SIPA1L3: variants seen among roughly 807,000 people sequenced by gnomAD.
SIPA1L3 encodes the protein signal induced proliferation associated 1 like 3.
In SIPA1L3, 59 loss-of-function variants were observed where a neutral mutation model predicts 150.1. The ratio of observed to expected loss-of-function variants is 0.39; its 90% CI spans 0.32 to 0.49. The LOEUF is 0.49. SIPA1L3 is among the 20% of genes least tolerant of loss of function. The pLI is 0.86. For synonymous variants in SIPA1L3, 1,070 were observed against 1,077.6 expected, an observed-to-expected ratio of 0.99 and a Z score of 0.14; for missense variants, 2,211 against 2,489.5, an observed-to-expected ratio of 0.89 and a Z score of 2.38.
rs140083121 is a variant in SIPA1L3, at chr19:38,146,936, T to C, written c.3533+4226T>C. 5.3e-5 allele frequency among the ~76,000 whole-genome samples: 8 copies of C among 152,330 alleles called. No individual in the cohort carries two copies. In the East Asian group the frequency reaches 1.5e-3, roughly 29 times the overall value. ...ATGGTGTTCTGTGTCTAAGAGTTCT[T>C]TGGACATTCTAAATACAAGTCCTTT... On this transcript the variant is annotated intron_variant, in intron 12 of 21. Transcript: ENST00000222345.
chr19:38,182,785 A>G, intron 16 of SIPA1L3, 45 bp downstream of exon 16: 1 of 1,476,446 alleles, frequency 6.8e-7, no homozygotes, highest in Non-Finnish European at 9.3e-7. Flanking sequence ...GATCCACACC[A>G]GGGCGTCTCC....
At chr19:38,041,187 A>T (rs1599943345) in intron 2 of SIPA1L3, among the ~76,000 whole-genome samples, 1 of 145,674 alleles carries the variant, frequency 6.9e-6, no homozygotes, top group African/African-American at 2.6e-5. Flanking sequence ...TCTCATTGCA[A>T]CCTCCATCTC....
rs529515058 is a variant in SIPA1L3 at position 37,930,169 on chromosome 19, C to T, written c.-379+22811C>T. ...CCTCCCGAGTAGCTGGGACTACGGGCGCCCGCCACCACACCCGGCTATTTT... is the reference window on the plus strand; with the variant it reads ...CCTCCCGAGTAGCTGGGACTACGGGTGCCCGCCACCACACCCGGCTATTTT... On this transcript the variant is annotated intron_variant, in intron 1 of 21. Coordinates refer to ENST00000222345, the MANE Select transcript of SIPA1L3 (RefSeq NM_015073.3). 1.4e-4 allele frequency among the ~76,000 whole-genome samples: 22 copies of T among 151,946 alleles called. 1 individual carries two copies. The highest frequency in any genetic ancestry group is 2.4e-4 in the Non-Finnish European group (16 of 68,004).
intron 20 of SIPA1L3, 144 bp downstream of exon 20, chr19:38,202,141 A>G: frequency 1.4e-6 from 1 of 740,106 alleles, no homozygotes; most frequent in Non-Finnish European, 2.1e-6. Context: ...CCCCCCTCCT[A>G]ACAGACTTGG....
intron 15 of SIPA1L3, among the ~76,000 whole-genome samples, chr19:38,179,841 A>G (rs138040747): frequency 6.6e-6 from 1 of 151,824 alleles, no homozygotes; most frequent in Admixed American, 6.6e-5. Context: ...CAGCCTGAGG[A>G]CTTTTTTTTT....
chr19:38,081,740 G>GCCACCA lies in SIPA1L3; in HGVS notation c.180_181insACCACC (p.Thr60_Ala61insThrThr), dbSNP rs1415215006. 6.3e-7 allele frequency: 1 copy of GCCACCA among 1,595,990 alleles called. No homozygotes were observed. On this transcript the variant is annotated inframe_insertion, in exon 3 of 22. Transcript: ENST00000222345. The stretch of plus-strand genomic sequence containing the variant: ...TGGCGAGAGCCCGGCCACCGCCACC[G>GCCACCA]CCACCGCCACCGCCACCACCCGCCC...
In SIPA1L3 at chr19:38,014,391, GA is replaced by G. The variant is rs370714520; in HGVS notation, c.-378-14696del. Reference sequence around the variant, plus strand: ...TGCCACTCATGAGACCAGCACAGAGGAATTACAGAAATGTTGAAGTCAGGAC... The same window carrying G: ...TGCCACTCATGAGACCAGCACAGAGGATTACAGAAATGTTGAAGTCAGGAC... On this transcript the variant is annotated intron_variant, in intron 1 of 21. Transcript: ENST00000222345. 1.2e-4 allele frequency among the ~76,000 whole-genome samples: 18 copies of G among 152,208 alleles called. No homozygotes were observed. In the East Asian group the frequency reaches 3.3e-3, roughly 28 times the overall value.
At chr19:38,175,862 G>A (rs954775941) in intron 15 of SIPA1L3, among the ~76,000 whole-genome samples, 2 of 152,162 alleles carry the variant, frequency 1.3e-5, no homozygotes, top group African/African-American at 4.8e-5. Context: ...CAGTTTTCAA[G>A]TTGATATTGA....
At chr19:38,197,656 C>T (rs1972990792) in intron 18 of SIPA1L3, among the ~76,000 whole-genome samples, 1 of 151,952 alleles carries the variant, frequency 6.6e-6, no homozygotes, top group Non-Finnish European at 1.5e-5. Flanking sequence ...TTCTGATCCC[C>T]CACCCCAGCC....
intron 8 of SIPA1L3, among the ~76,000 whole-genome samples, chr19:38,112,869 C>T (rs540294549): frequency 6.6e-6 from 1 of 152,168 alleles, no homozygotes; most frequent in Admixed American, 6.6e-5. Context: ...CCTGAAACCC[C>T]CAACTCCTGT....
intron 1 of SIPA1L3, among the ~76,000 whole-genome samples, chr19:37,979,544 G>C (rs1007474626): frequency 4.5e-4 from 65 of 145,422 alleles, no homozygotes; most frequent in Non-Finnish European, 8.5e-4. Context: ...GCAACAGAGC[G>C]AGACTCTGTC....
intron 1 of SIPA1L3, among the ~76,000 whole-genome samples, chr19:37,920,952 C>G (rs2046452720): frequency 6.6e-6 from 1 of 152,178 alleles, no homozygotes; most frequent in Non-Finnish European, 1.5e-5. Context: ...TTTCCAAGGA[C>G]TTGTTTCAAC....
chr19:37,966,830 TG>T (rs1407684118), intron 1 of SIPA1L3, among the ~76,000 whole-genome samples: 1 of 151,876 alleles, frequency 6.6e-6, no homozygotes, highest in Admixed American at 6.6e-5. Flanking sequence ...CGTGGAGGCG[TG>T]GGGGTGGAGC....
intron 2 of SIPA1L3, among the ~76,000 whole-genome samples, chr19:38,071,212 T>C (rs1458171663): frequency 2.6e-5 from 3 of 117,084 alleles, no homozygotes; most frequent in Admixed American, 8.8e-5. Flanking sequence ...TATCTATCTA[T>C]CTATCTATCT....
rs777548382 is a variant in SIPA1L3 at position 38,141,366 on chromosome 19, C to T, written c.3326C>T (p.Ser1109Phe). 1.2e-6 allele frequency: 2 copies of T among 1,613,936 alleles called. No homozygotes were observed. The highest frequency in any genetic ancestry group is 3.3e-5 in the Admixed American group (2 of 60,022). The change falls in exon 11 of 22, where the codon TCC (serine) becomes TTC (phenylalanine). Residue 1109 changes from serine to phenylalanine, a missense_variant. Transcript: ENST00000222345. ...CCAACCACTCCCGGCCATGCCCAGT[C>T]CCTGAGCCGGCCCCTGAAGCAGACC... ...ATPTTPGHAQ[S>F]LSRPLKQTPI... is the part of the protein sequence containing the mutation.
chr19:38,179,279 T>A (rs184137611), intron 15 of SIPA1L3, among the ~76,000 whole-genome samples: 2 of 152,144 alleles, frequency 1.3e-5, no homozygotes, highest in Non-Finnish European at 2.9e-5. Context: ...CTGTCTCTAC[T>A]AAAAATACAA....
At position 38,015,056 on chromosome 19, in the gene SIPA1L3, C is replaced by T. The variant is rs76327169; in HGVS notation, c.-378-14033C>T. On this transcript the variant is annotated intron_variant, in intron 1 of 21. Coordinates refer to ENST00000222345, the MANE Select transcript of SIPA1L3 (RefSeq NM_015073.3). ...CTCAAAACTCCTGGCCTCAAGTGATCCTTCTGCCTCAGCCTCCCAAAGTGC... is the reference window on the plus strand; with the variant it reads ...CTCAAAACTCCTGGCCTCAAGTGATTCTTCTGCCTCAGCCTCCCAAAGTGC... 1.4e-3 allele frequency among the ~76,000 whole-genome samples: 215 copies of T among 151,834 alleles called. 6 individuals are homozygous for T. The East Asian group carries it at 0.038, about 27-fold the overall frequency.
intron 9 of SIPA1L3, among the ~76,000 whole-genome samples, chr19:38,125,860 C>T (rs1173930674): frequency 6.6e-6 from 1 of 152,202 alleles, no homozygotes; most frequent in African/African-American, 2.4e-5. Flanking sequence ...TCATGGTGCT[C>T]CTCTCTGGGA....
chr19:38,149,392 CA>C (rs1328130035), intron 12 of SIPA1L3, among the ~76,000 whole-genome samples: 1 of 151,878 alleles, frequency 6.6e-6, no homozygotes, highest in South Asian at 2.1e-4. Context: ...CTCAAAAAAA[CA>C]AAAAAAGTCT....
Sources: gnomAD v4.1 joint callset for allele counts (sites outside exome capture counted in the v4.1 genomes callset) on GRCh38, gnomAD v4.1.1 for gene constraint, MANE v1.5 for transcripts, NCBI Gene and HGNC (gene_info 2026-07-23, HGNC 2026-07-21) for gene names.